The following CACNA1A variants were observed in gnomAD, a reference collection of about 807,000 sequenced individuals.
The protein encoded by CACNA1A is calcium voltage-gated channel subunit alpha1 A, also known as voltage-dependent P/Q-type calcium channel subunit alpha-1A.
Under a neutral mutation model 262.4 loss-of-function variants are expected in CACNA1A, and 57 were observed. The ratio of observed to expected loss-of-function variants is 0.22; its 90% confidence interval spans 0.18 to 0.27. CACNA1A has a LOEUF of 0.27. CACNA1A is among the 10% of genes least tolerant of loss of function. The pLI, the probability that CACNA1A is intolerant of heterozygous loss-of-function variation, is 1.00. For missense variants in CACNA1A, 2,526 were observed against 3,562.8 expected, an observed-to-expected ratio of 0.71 and a Z score of 7.41; for synonymous variants, 1,431 against 1,419.3, an observed-to-expected ratio of 1.01 and a Z score of -0.18.
In CACNA1A at chr19:13,322,368, C is replaced by G. The variant is rs998448112; in HGVS notation, c.1346-5047G>C. ...CATGGAACAGATTCTCCCCTAAAAC[C>G]TTCTGAGGGAACGTGGTGGCTCTGC... On this transcript the variant is annotated intron_variant, in intron 10 of 46. Transcript: ENST00000360228. Among the ~76,000 whole-genome samples the G allele has an allele frequency of 2.6e-5, 4 of 152,106 alleles. No individual in the cohort carries two copies. The East Asian group carries it at 7.7e-4, about 29-fold the overall frequency.
At chr19:13,483,213 G>C (rs1290997824) in intron 1 of CACNA1A, among the ~76,000 whole-genome samples, 1 of 152,040 alleles carries the variant, frequency 6.6e-6, no homozygotes, top group East Asian at 1.9e-4. Flanking sequence ...CTTAGGGGAT[G>C]GTGGAGCCAC....
At chr19:13,297,868 C>A (rs1184719642) in intron 19 of CACNA1A, among the ~76,000 whole-genome samples, 3 of 151,914 alleles carry the variant, frequency 2.0e-5, no homozygotes, top group Non-Finnish European at 4.4e-5. Context: ...GCTCTGTTGC[C>A]CAGGCTGGAG....
chr19:13,354,251 C>T (rs916278149), intron 6 of CACNA1A, among the ~76,000 whole-genome samples: 10 of 152,196 alleles, frequency 6.6e-5, no homozygotes, highest in Non-Finnish European at 1.0e-4. Flanking sequence ...CTGGACTCTC[C>T]GTTGATCTCA....
chr19:13,214,517 C>T lies in CACNA1A; in HGVS notation c.5823G>A (p.Leu1941=). The change falls in exon 39 of 47, where the codon CTG becomes CTA. Residue 1941 remains leucine, a synonymous_variant. Coordinates refer to ENST00000360228, the MANE Select transcript of CACNA1A (RefSeq NM_001127222.2). This position sits in a 1 kb window ranked among gnomAD's most constrained non-coding sequence, Gnocchi z 4.1. Reference sequence around the variant, plus strand: ...AGCTCTTACACTTGTGAGGTGTGACCAGCAGGTCTAGCGTCTTCTGGGACA... The same window carrying T: ...AGCTCTTACACTTGTGAGGTGTGACTAGCAGGTCTAGCGTCTTCTGGGACA... ...PNLSQKTLDL[L]VTPHKSTDLT... 19 of 1,613,540 alleles carry T rather than the reference C, an allele frequency of 1.2e-5. No individual in the cohort carries two copies. Among genetic ancestry groups the T allele is most frequent in the Non-Finnish European group, 1.6e-5 (19 of 1,179,530 alleles).
At chr19:13,456,818 A>AG in intron 1 of CACNA1A, among the ~76,000 whole-genome samples, 1 of 152,234 alleles carries the variant, frequency 6.6e-6, no homozygotes, top group Non-Finnish European at 1.5e-5. Context: ...ATTAGTGATC[A>AG]GGGAAGTGCA....
chr19:13,210,551 GGAGGGGGGGTGGGGAGGAA>G (rs2054771513), intron 44 of CACNA1A, 47 bp downstream of exon 44: 2 of 1,433,168 alleles, frequency 1.4e-6, no homozygotes, highest in African/African-American at 2.8e-5. Context: ...GGGACTCCCT[GGAGGGGGGGTGGGGAGGAA>G]GAGGGGGCCG....
chr19:13,454,527 T>C (rs1011176354), intron 2 of CACNA1A, among the ~76,000 whole-genome samples: 1 of 151,956 alleles, frequency 6.6e-6, no homozygotes, highest in Non-Finnish European at 1.5e-5. Flanking sequence ...TGCACCACCA[T>C]ATCCAGCTAA....
intron 29 of CACNA1A, among the ~76,000 whole-genome samples, chr19:13,253,740 G>A (rs965578070): frequency 4.7e-5 from 7 of 147,808 alleles, no homozygotes; most frequent in Non-Finnish European, 7.4e-5. Flanking sequence ...CACCGTCCCC[G>A]GCTTCCTTAT....
chr19:13,287,562 C>T (rs747234061), intron 19 of CACNA1A, among the ~76,000 whole-genome samples: 28 of 151,934 alleles, frequency 1.8e-4, no homozygotes, highest in African/African-American at 6.3e-4. Context: ...CGTACAGTGG[C>T]GTGATCTCGG....
At chr19:13,232,459 C>T (rs903421266) in intron 34 of CACNA1A, among the ~76,000 whole-genome samples, 10 of 151,990 alleles carry the variant, frequency 6.6e-5, no homozygotes, top group South Asian at 2.1e-4. Flanking sequence ...TGGCTGGGCG[C>T]GGTGGCTCAC....
At chr19:13,216,692 T>G (rs2055025715) in intron 38 of CACNA1A, among the ~76,000 whole-genome samples, 2 of 55,240 alleles carry the variant, frequency 3.6e-5, no homozygotes, top group Non-Finnish European at 7.3e-5. Flanking sequence ...TCTATCTATC[T>G]ATCTATCATC....
chr19:13,247,282 C>T (rs2056263255), intron 30 of CACNA1A, among the ~76,000 whole-genome samples: 2 of 152,226 alleles, frequency 1.3e-5, no homozygotes, highest in South Asian at 2.1e-4. Context: ...GCCTCTGCGC[C>T]CTTCTCTGGA....
chr19:13,306,041 C>G (rs891583771), intron 15 of CACNA1A, among the ~76,000 whole-genome samples: 1 of 142,072 alleles, frequency 7.0e-6, no homozygotes, highest in Non-Finnish European at 1.5e-5. Flanking sequence ...GCCTGGGCAA[C>G]AGAGCGAGAC....
At chr19:13,262,263 G>T (rs2056751042) in intron 25 of CACNA1A, 1 of 156,406 alleles carries the variant, frequency 6.4e-6, no homozygotes, top group Admixed American at 6.2e-5. Context: ...GTGAAAGTGG[G>T]TGCTCTAATG....
chr19:13,425,313 C>T (rs1267016909), intron 3 of CACNA1A, among the ~76,000 whole-genome samples: 1 of 152,146 alleles, frequency 6.6e-6, no homozygotes, highest in Non-Finnish European at 1.5e-5. Context: ...ACCACTTTTG[C>T]CCCAAGGGCA....
At chr19:13,413,716 T>TA (rs547824574) in intron 3 of CACNA1A, among the ~76,000 whole-genome samples, 5,404 of 123,362 alleles carry the variant, frequency 0.044, 344 homozygotes, top group African/African-American at 0.14. Context: ...CCGTCTCTAC[T>TA]AAAAAAAAAA....
intron 1 of CACNA1A, among the ~76,000 whole-genome samples, chr19:13,473,120 G>A (rs989551297): frequency 2.6e-5 from 4 of 152,108 alleles, no homozygotes; most frequent in African/African-American, 9.7e-5. Flanking sequence ...GAGTATGGTG[G>A]TGCACGCCTG....
At chr19:13,330,205 G>C in intron 10 of CACNA1A, 39 bp downstream of exon 10, 1 of 1,422,458 alleles carries the variant, frequency 7.0e-7, no homozygotes, top group Admixed American at 2.0e-5. Context: ...TGGGCGATAG[G>C]TGATGAACAA....
chr19:13,318,168 T>C (rs1030793108), intron 10 of CACNA1A, among the ~76,000 whole-genome samples: 1 of 152,204 alleles, frequency 6.6e-6, no homozygotes. Context: ...ACAGAGGGAC[T>C]GGGAGCCCTT....
Sources: allele counts gnomAD v4.1 joint callset (sites outside exome capture counted in the v4.1 genomes callset), GRCh38; gene constraint gnomAD v4.1.1; non-coding constraint Gnocchi (gnomAD v3.1); transcripts MANE v1.5; gene names NCBI Gene and HGNC (gene_info 2026-07-23, HGNC 2026-07-21).